CMSS1: variants seen among roughly 807,000 people sequenced by gnomAD.
The protein encoded by CMSS1 is cms1 ribosomal small subunit homolog, also known as protein CMSS1.
In CMSS1, 33 loss-of-function variants were observed where a neutral mutation model predicts 43.5. The ratio of observed to expected loss-of-function variants is 0.76; its 90% CI spans 0.57 to 1.01. CMSS1 has a LOEUF of 1.01. Ranked by LOEUF, CMSS1 falls within the 50% of genes least tolerant of loss-of-function variation. CMSS1 has a pLI of 0.00. For missense variants in CMSS1, 313 were observed against 326.4 expected, an observed-to-expected ratio of 0.96 and a Z score of 0.32; for synonymous variants, 115 against 117.2, an observed-to-expected ratio of 0.98 and a Z score of 0.12.
At chr3:99,936,960 G>A (rs1294671155) in intron 1 of CMSS1, among the ~76,000 whole-genome samples, 2 of 151,686 alleles carry the variant, frequency 1.3e-5, no homozygotes, top group Admixed American at 6.6e-5. Flanking sequence ...TTTTTGAGAC[G>A]GAGTTTTGCT....
chr3:99,925,755 T>C (rs1348119476), intron 1 of CMSS1: 3 of 581,728 alleles, frequency 5.2e-6, no homozygotes, highest in Non-Finnish European at 6.5e-6. Context: ...GTGCACTTGG[T>C]GGAAGTGGAG....
intron 1 of CMSS1, among the ~76,000 whole-genome samples, chr3:100,035,322 G>A (rs1293324310): frequency 6.6e-6 from 1 of 152,194 alleles, no homozygotes; most frequent in Non-Finnish European, 1.5e-5. Context: ...CACCCAGGCT[G>A]GAGTTCAATG....
At chr3:99,970,749 A>T (rs1283005500) in intron 1 of CMSS1, among the ~76,000 whole-genome samples, 1 of 152,198 alleles carries the variant, frequency 6.6e-6, no homozygotes, top group Non-Finnish European at 1.5e-5. Context: ...GTGCTACGAT[A>T]GACCTCAAAG....
chr3:100,099,423 A>G (rs2066266151), intron 1 of CMSS1, among the ~76,000 whole-genome samples: 2 of 152,228 alleles, frequency 1.3e-5, no homozygotes, highest in South Asian at 4.1e-4. Flanking sequence ...AGAAACAAGT[A>G]TACAAGGGTA....
chr3:99,839,498 A>G (rs1051307375), intron 1 of CMSS1, among the ~76,000 whole-genome samples: 8 of 152,178 alleles, frequency 5.3e-5, no homozygotes. Context: ...GAAAGGTCTA[A>G]ACAGTAGAGA....
At chr3:99,924,518 T>C in intron 1 of CMSS1, 1 of 1,164,788 alleles carries the variant, frequency 8.6e-7, no homozygotes, top group Non-Finnish European at 1.2e-6. Flanking sequence ...GTTTTTTTGG[T>C]TTTTTGTTTG....
chr3:99,884,337 G>C (rs1413595088), intron 1 of CMSS1, among the ~76,000 whole-genome samples: 1 of 152,128 alleles, frequency 6.6e-6, no homozygotes, highest in African/African-American at 2.4e-5. Flanking sequence ...ACATGGAAAA[G>C]ATCACTTAAA....
At chr3:99,985,936 T>TG (rs1709327819) in intron 1 of CMSS1, among the ~76,000 whole-genome samples, 1 of 152,052 alleles carries the variant, frequency 6.6e-6, no homozygotes, top group Non-Finnish European at 1.5e-5. Flanking sequence ...TAAAACACAT[T>TG]GGGGGTTAAA....
At chr3:99,933,441 C>T (rs551552219) in intron 1 of CMSS1, among the ~76,000 whole-genome samples, 89 of 152,180 alleles carry the variant, frequency 5.8e-4, no homozygotes, top group African/African-American at 2.1e-3. Context: ...TGGGAAAAAC[C>T]TCATTGTGTG....
At chr3:100,163,684 C>T (rs888434764) in intron 4 of CMSS1, among the ~76,000 whole-genome samples, 2 of 152,030 alleles carry the variant, frequency 1.3e-5, no homozygotes, top group Admixed American at 6.6e-5. Context: ...AATATAGCCA[C>T]GTGCCACCAT....
intron 1 of CMSS1, among the ~76,000 whole-genome samples, chr3:100,134,876 T>A (rs2066737997): frequency 6.6e-6 from 1 of 152,204 alleles, no homozygotes; most frequent in South Asian, 2.1e-4. Flanking sequence ...TTGTTTTGCC[T>A]TCCAAATTTG....
At chr3:100,062,654 C>T (rs532005690) in intron 1 of CMSS1, among the ~76,000 whole-genome samples, 1 of 152,308 alleles carries the variant, frequency 6.6e-6, no homozygotes, top group South Asian at 2.1e-4. Context: ...TTCTAAGCTG[C>T]ATACTAATTT....
At chr3:100,076,634 G>C (rs1414836502) in intron 1 of CMSS1, among the ~76,000 whole-genome samples, 1 of 152,160 alleles carries the variant, frequency 6.6e-6, no homozygotes, top group Non-Finnish European at 1.5e-5. Context: ...TATTTTGCCA[G>C]ACTGAACTCA....
intron 1 of CMSS1, among the ~76,000 whole-genome samples, chr3:100,117,260 G>C (rs988173547): frequency 6.6e-6 from 1 of 151,914 alleles, no homozygotes. Flanking sequence ...TATGTTATTT[G>C]ATTTTAATTC....
intron 1 of CMSS1, 52 bp from the exon 2 acceptor site, chr3:100,146,921 C>A: frequency 6.3e-7 from 1 of 1,576,768 alleles, no homozygotes; most frequent in Non-Finnish European, 8.6e-7. Flanking sequence ...CAAGATTGCA[C>A]TAGCAATGAG....
intron 1 of CMSS1, among the ~76,000 whole-genome samples, chr3:99,938,093 G>T (rs1707745629): frequency 6.6e-6 from 1 of 150,994 alleles, no homozygotes; most frequent in Non-Finnish European, 1.5e-5. Flanking sequence ...GCGCGCGCGT[G>T]CATGCACACT....
At chr3:99,843,695 A>T (rs1290409042) in intron 1 of CMSS1, among the ~76,000 whole-genome samples, 1 of 152,134 alleles carries the variant, frequency 6.6e-6, no homozygotes, top group African/African-American at 2.4e-5. Flanking sequence ...ATTGGGCAAA[A>T]TTGTCTAGCA....
At chr3:100,033,570 G>GC (rs1269451905) in intron 1 of CMSS1, among the ~76,000 whole-genome samples, 2 of 152,166 alleles carry the variant, frequency 1.3e-5, no homozygotes, top group Non-Finnish European at 2.9e-5. Context: ...ATCATGTACT[G>GC]CCCCTCAACT....
chr3:99,991,461 TG>T lies in CMSS1; in HGVS notation c.65-155511del, dbSNP rs1691038656. ...ATTGATTTTAAATCTATCTTTTTTA[TG>T]TTTATATATTTAGGAGGTACAAATG... On this transcript the variant is annotated intron_variant, in intron 1 of 9. Coordinates refer to ENST00000421999, the MANE Select transcript of CMSS1 (RefSeq NM_032359.4). 2.0e-5 allele frequency among the ~76,000 whole-genome samples: 3 copies of T among 152,202 alleles called. No individual in the cohort carries two copies. In the South Asian group the frequency reaches 6.2e-4, roughly 31 times the overall value.
Sources: gnomAD v4.1 joint callset for allele counts (sites outside exome capture counted in the v4.1 genomes callset) on GRCh38, gnomAD v4.1.1 for gene constraint, MANE v1.5 for transcripts, NCBI Gene and HGNC (gene_info 2026-07-23, HGNC 2026-07-21) for gene names.